The following TTC38 variants were observed in gnomAD, a reference collection of about 807,000 sequenced individuals.
The protein encoded by TTC38 is tetratricopeptide repeat protein 38.
A neutral mutation model predicts 64.2 loss-of-function variants in TTC38; 64 were observed. The ratio of observed to expected loss-of-function variants is 1.00; its 90% confidence interval spans 0.81 to 1.23. TTC38 has a LOEUF of 1.23. TTC38 is among the 50% of genes most tolerant of loss of function. The pLI is 0.00. For synonymous variants in TTC38, 254 were observed against 249.3 expected (o/e 1.02, Z -0.18); for missense variants, 573 against 615.5 (o/e 0.93, Z 0.73).
At chr22:46,279,393 G>A (rs1056526207) in intron 6 of TTC38, among the ~76,000 whole-genome samples, 9 of 152,216 alleles carry the variant, frequency 5.9e-5, no homozygotes, top group African/African-American at 1.4e-4. Flanking sequence ...CTCTGCCCAC[G>A]TGATGTCCAA....
rs1470133366 is a variant in TTC38, at chr22:46,289,918, C to A, written c.1316+19C>A. The A allele has an allele frequency of 6.2e-7, 1 of 1,610,298 alleles. No individual in the cohort carries two copies. Among genetic ancestry groups the A allele is most frequent in the Admixed American group, 1.7e-5 (1 of 60,026 alleles). On this transcript the variant is annotated intron_variant, in intron 13 of 13. Transcript: ENST00000381031. Reference sequence around the variant, plus strand: ...TAGCCCGGTGAGCTCCTGGCCCCTGCCCAGCACTCCCGACCTTCACAGGCT... The same window carrying A: ...TAGCCCGGTGAGCTCCTGGCCCCTGACCAGCACTCCCGACCTTCACAGGCT...
In TTC38 at chr22:46,273,604, C is replaced by T. The variant is rs532935192; in HGVS notation, c.194-294C>T. On this transcript the variant is annotated intron_variant, in intron 3 of 13. Coordinates refer to ENST00000381031, the MANE Select transcript of TTC38 (RefSeq NM_017931.4). This position sits in a 1 kb window ranked among gnomAD's most constrained non-coding sequence, Gnocchi z 5.1. ...TAGTGTCAGCTGATGAGCCTGCAGG[C>T]AGCCTCTAAGTGGCTCATCCATTGA... Among the ~76,000 whole-genome samples, 8 of 152,368 alleles carry T rather than the reference C, an allele frequency of 5.3e-5. No homozygotes were observed. In the East Asian group the frequency reaches 1.4e-3, roughly 26 times the overall value.
intron 7 of TTC38, among the ~76,000 whole-genome samples, chr22:46,283,343 G>T (rs2077548433): frequency 6.6e-6 from 1 of 152,188 alleles, no homozygotes; most frequent in Non-Finnish European, 1.5e-5. Flanking sequence ...CTTCACATGT[G>T]AGGAAGGCAA....
At chr22:46,277,574 C>T (rs1024890610) in intron 5 of TTC38, among the ~76,000 whole-genome samples, 20 of 146,612 alleles carry the variant, frequency 1.4e-4, no homozygotes, top group African/African-American at 5.1e-4. Context: ...CACTGCACTC[C>T]AGCCTGGGCA....
intron 9 of TTC38, among the ~76,000 whole-genome samples, chr22:46,285,544 G>T (rs1486707012): frequency 1.3e-5 from 2 of 152,028 alleles, no homozygotes; most frequent in East Asian, 3.9e-4. Flanking sequence ...TGCAATTGTG[G>T]ACTCTCCTCC....
In TTC38 at chr22:46,293,077, C is replaced by G. The variant is rs1020984623; in HGVS notation, c.*193C>G. 3 of 568,824 alleles carry G rather than the reference C, an allele frequency of 5.3e-6. No individual in the cohort carries two copies. The highest frequency in any genetic ancestry group is 9.6e-6 in the Non-Finnish European group (3 of 312,508). 35.2% of individuals were successfully genotyped at this position (568,824 alleles called of 1,614,324 possible). A position where few individuals can be genotyped will look rare whatever the true frequency, so the allele number is the denominator to read the frequency against. On this transcript the variant is annotated 3_prime_UTR_variant, in exon 14 of 14. Transcript: ENST00000381031. The surrounding 1 kb of genome is among the most constrained non-coding windows in gnomAD (Gnocchi z 6.6). ...TGATTCCGAATCTCCTTTCAGTCCT[C>G]GAGAAGGGCCAATGAGCATTTTTCA...
rs8140901 is a variant in TTC38, at chr22:46,286,795, G to C, written c.835-278G>C. Among the ~76,000 whole-genome samples the C allele has an allele frequency of 2.5e-4, 38 of 152,390 alleles. 1 individual carries two copies. The South Asian group carries it at 3.7e-3, about 15-fold the overall frequency. ...TCCCACCAGTGTGGTCTGAGGCCCA[G>C]GGGTGGGAGGTGGCAGATGCTTTGG... is the stretch of plus-strand genomic sequence containing the variant. On this transcript the variant is annotated intron_variant, in intron 9 of 13. Coordinates refer to ENST00000381031, the MANE Select transcript of TTC38 (RefSeq NM_017931.4).
At chr22:46,288,667 C>G in intron 11 of TTC38, 79 bp downstream of exon 11, 1 of 1,400,628 alleles carries the variant, frequency 7.1e-7, no homozygotes, top group Non-Finnish European at 9.7e-7. Flanking sequence ...ATGCTGAGAC[C>G]TGTTCAGTGC....
rs926701693 is a variant in TTC38, at chr22:46,281,979, C to T, written c.735+261C>T. 2 of 620,204 alleles carry T rather than the reference C, an allele frequency of 3.2e-6. No homozygotes were observed. Among genetic ancestry groups the T allele is most frequent in the African/African-American group, 3.6e-5 (2 of 55,042 alleles). 38.4% of individuals were successfully genotyped at this position (620,204 alleles called of 1,614,324 possible). A position where few individuals can be genotyped will look rare whatever the true frequency, so the allele number is the denominator to read the frequency against. ...CTTCTCTGTCCTTACAGGGCCTGGT[C>T]AGGAGGAGCGAGCAGCCTCTTCAAA... On this transcript the variant is annotated intron_variant, in intron 7 of 13. Transcript: ENST00000381031. This position sits in a 1 kb window ranked among gnomAD's most constrained non-coding sequence, Gnocchi z 5.2.
At chr22:46,285,926 A>C (rs2077568376) in intron 9 of TTC38, among the ~76,000 whole-genome samples, 1 of 148,202 alleles carries the variant, frequency 6.7e-6, no homozygotes. Flanking sequence ...GAGGCACGAG[A>C]ATCACTTGAA....
intron 5 of TTC38, among the ~76,000 whole-genome samples, chr22:46,277,325 C>T (rs1429133765): frequency 1.3e-5 from 2 of 152,026 alleles, no homozygotes; most frequent in Admixed American, 6.5e-5. Flanking sequence ...GAAGTGTGGG[C>T]GGGACGCAAT....
chr22:46,292,812 T>C lies in TTC38; in HGVS notation c.1338T>C (p.Asp446=). 1.9e-6 allele frequency: 3 copies of C among 1,614,030 alleles called. No individual in the cohort carries two copies. Among genetic ancestry groups the C allele is most frequent in the Non-Finnish European group, 2.5e-6 (3 of 1,179,930 alleles). ...NVARSLLMER[D]ALKPNSPLTE... is the part of the protein sequence containing the mutation. Reference sequence around the variant, plus strand: ...ACAGGAGCCTTCTGATGGAGCGTGATGCCTTGAAGCCCAACTCGCCCCTGA... The same window carrying C: ...ACAGGAGCCTTCTGATGGAGCGTGACGCCTTGAAGCCCAACTCGCCCCTGA... The change falls in exon 14 of 14, where the codon GAT becomes GAC. Residue 446 remains aspartate (D), a synonymous_variant. Transcript: ENST00000381031. The surrounding 1 kb of genome is among the most constrained non-coding windows in gnomAD (Gnocchi z 6.5).
In TTC38 at chr22:46,291,385, G is replaced by A. The variant is rs2077614121; in HGVS notation, c.1317-1406G>A. Among the ~76,000 whole-genome samples the A allele has an allele frequency of 6.6e-6, 1 of 152,138 alleles. No homozygotes were observed. The highest frequency in any genetic ancestry group is 2.1e-4 in the South Asian group (1 of 4,830). On this transcript the variant is annotated intron_variant, in intron 13 of 13. Coordinates refer to ENST00000381031, the MANE Select transcript of TTC38 (RefSeq NM_017931.4). The surrounding 1 kb of genome is among the most constrained non-coding windows in gnomAD (Gnocchi z 4.6). ...TGGCCTTCTGCGGGGCCCAGTGGGG[G>A]AGGGCAGGGGGAGAGCAGGCTGCAC...
Position 46,281,496 on chromosome 22 carries a change from T to A in TTC38, c.616-103T>A. The A allele has an allele frequency of 1.5e-5, 13 of 885,376 alleles. No individual in the cohort carries two copies. The highest frequency in any genetic ancestry group is 2.2e-5 in the Non-Finnish European group (13 of 604,430). The allele number at this position is 885,376 out of a possible 1,614,324, so 54.8% of individuals were successfully genotyped here. ...CCGCCCCCCCACTTGCTCCACCCCG[T>A]TCAGCCCAGGCCCCTCTTGCCCCTT... is the stretch of plus-strand genomic sequence containing the variant. On this transcript the variant is annotated intron_variant, in intron 6 of 13. Transcript: ENST00000381031. This position sits in a 1 kb window ranked among gnomAD's most constrained non-coding sequence, Gnocchi z 5.2.
chr22:46,279,822 C>G (rs556825723), intron 6 of TTC38, among the ~76,000 whole-genome samples: 90 of 152,276 alleles, frequency 5.9e-4, no homozygotes, highest in African/African-American at 2.1e-3. Flanking sequence ...GTAGGAAAGT[C>G]CCTTGGAGAC....
chr22:46,292,182 T>C lies in TTC38; in HGVS notation c.1317-609T>C, dbSNP rs1437702315. 12 of 441,766 alleles carry C rather than the reference T, an allele frequency of 2.7e-5. No individual in the cohort carries two copies. Among genetic ancestry groups the C allele is most frequent in the Non-Finnish European group, 5.4e-5 (12 of 223,034 alleles). The allele number at this position is 441,766 out of a possible 1,614,324, so 27.4% of individuals were successfully genotyped here. On this transcript the variant is annotated intron_variant, in intron 13 of 13. Coordinates refer to ENST00000381031, the MANE Select transcript of TTC38 (RefSeq NM_017931.4). The surrounding 1 kb of genome is among the most constrained non-coding windows in gnomAD (Gnocchi z 6.5). Reference sequence around the variant, plus strand: ...ACGTCTCTTCTTTCTTCTTTCTTTTTAAATTTTTTTATATTTTTAGAGGCA... The same window carrying C: ...ACGTCTCTTCTTTCTTCTTTCTTTTCAAATTTTTTTATATTTTTAGAGGCA...
chr22:46,272,243 G>A lies in TTC38; in HGVS notation c.112-92G>A, dbSNP rs570707541. 1.3e-4 allele frequency: 134 copies of A among 1,005,306 alleles called. No individual in the cohort carries two copies. The African/African-American group carries it at 1.7e-3, about 13-fold the overall frequency. The allele number at this position is 1,005,306 out of a possible 1,614,324, so 62.3% of individuals were successfully genotyped here. A position where few individuals can be genotyped will look rare whatever the true frequency, so the allele number is the denominator to read the frequency against. ...TGACCTCAGATGTTCTGCCCGCCTC[G>A]GCCTCCCAAAGTGTAAACCTGGATT... On this transcript the variant is annotated intron_variant, in intron 2 of 13. Coordinates refer to ENST00000381031, the MANE Select transcript of TTC38 (RefSeq NM_017931.4). The surrounding 1 kb of genome is among the most constrained non-coding windows in gnomAD (Gnocchi z 6.4).
Position 46,273,347 on chromosome 22 carries a change from T to C in TTC38, c.194-551T>C, listed in dbSNP as rs1204527491. On this transcript the variant is annotated intron_variant, in intron 3 of 13. Transcript: ENST00000381031. This position sits in a 1 kb window ranked among gnomAD's most constrained non-coding sequence, Gnocchi z 5.1. ...TCCCAGGCCTGAGCCAGTGACCAAG[T>C]TCCAAATGCCAGTGGACACCCTGGC... Among the ~76,000 whole-genome samples the C allele has an allele frequency of 1.3e-5, 2 of 152,174 alleles. No individual in the cohort carries two copies. The highest frequency in any genetic ancestry group is 2.4e-5 in the African/African-American group (1 of 41,444).
chr22:46,273,406 T>A lies in TTC38; in HGVS notation c.194-492T>A, dbSNP rs1286010907. Among the ~76,000 whole-genome samples the A allele has an allele frequency of 1.3e-5, 2 of 152,240 alleles. No individual in the cohort carries two copies. The highest frequency in any genetic ancestry group is 2.9e-5 in the Non-Finnish European group (2 of 68,030). ...AGTGGGGCCTGGGGGCCTGCACTCC[T>A]GCCAGCAAGGCTGCTGCGAGGGCCA... On this transcript the variant is annotated intron_variant, in intron 3 of 13. Transcript: ENST00000381031. The surrounding 1 kb of genome is among the most constrained non-coding windows in gnomAD (Gnocchi z 5.1).
Sources: allele counts gnomAD v4.1 joint callset (sites outside exome capture counted in the v4.1 genomes callset), GRCh38; gene constraint gnomAD v4.1.1; non-coding constraint Gnocchi (gnomAD v3.1); transcripts MANE v1.5; gene names NCBI Gene and HGNC (gene_info 2026-07-23, HGNC 2026-07-21).